Variants in HIBADH observed in about 807,000 individuals in gnomAD.
HIBADH encodes 3-hydroxyisobutyrate dehydrogenase.
A neutral mutation model predicts 36.1 loss-of-function variants in HIBADH; 25 were observed. The observed-to-expected ratio is 0.69, with a 90% confidence interval of 0.50 to 0.97. The LOEUF (loss-of-function observed/expected upper bound fraction) is 0.97. HIBADH is among the 50% of genes least tolerant of loss of function. HIBADH has a pLI of 0.00. For missense variants in HIBADH, 421 were observed against 418.0 expected (o/e 1.01, Z -0.06); for synonymous variants, 160 against 149.5 (o/e 1.07, Z -0.51).
intron 4 of HIBADH, among the ~76,000 whole-genome samples, chr7:27,593,796 G>C (rs879150132): frequency 6.6e-6 from 1 of 151,844 alleles, no homozygotes; most frequent in Admixed American, 6.6e-5. Context: ...AAAACTAGTA[G>C]AATAAGAGAA....
intron 4 of HIBADH, among the ~76,000 whole-genome samples, chr7:27,625,924 A>G (rs1034988098): frequency 6.6e-6 from 1 of 151,986 alleles, no homozygotes; most frequent in African/African-American, 2.4e-5. Flanking sequence ...CAACATGGTG[A>G]AACCCTGTCT....
chr7:27,648,126 C>A (rs1327103435), intron 2 of HIBADH, among the ~76,000 whole-genome samples: 1 of 152,190 alleles, frequency 6.6e-6, no homozygotes, highest in Non-Finnish European at 1.5e-5. Context: ...CTAATTGGTT[C>A]ATCTCAGACT....
chr7:27,649,328 G>C (rs773111582), intron 2 of HIBADH, 145 bp downstream of exon 2: 102 of 550,256 alleles, frequency 1.9e-4, no homozygotes, highest in Non-Finnish European at 2.1e-4. Context: ...CTGGATGTTG[G>C]ATGAATGATT....
In HIBADH at chr7:27,526,082, G is replaced by T; in HGVS notation, c.*132C>A. On this transcript the variant is annotated 3_prime_UTR_variant, in exon 8 of 8. Coordinates refer to ENST00000265395, the MANE Select transcript of HIBADH (RefSeq NM_152740.4). The stretch of plus-strand genomic sequence containing the variant: ...AGAATAAGCGGTGAAAAATCCTAGG[G>T]ATTACTGTGACCTAGACAATCAAAA... The T allele has an allele frequency of 1.5e-6, 1 of 656,272 alleles. No individual in the cohort carries two copies. Among genetic ancestry groups the T allele is most frequent in the Non-Finnish European group, 2.2e-6 (1 of 444,916 alleles). The allele number at this position is 656,272 out of a possible 1,614,324, so 40.7% of individuals were successfully genotyped here.
At chr7:27,650,460 T>TTATA (rs1194005934) in intron 1 of HIBADH, among the ~76,000 whole-genome samples, 1 of 140,184 alleles carries the variant, frequency 7.1e-6, no homozygotes, top group Non-Finnish European at 1.5e-5. Context: ...CTTATTATAT[T>TTATA]TTTATTTATT....
chr7:27,571,945 G>A (rs530871070), intron 4 of HIBADH, among the ~76,000 whole-genome samples: 3 of 152,272 alleles, frequency 2.0e-5, no homozygotes, highest in Admixed American at 1.3e-4. Flanking sequence ...AACCAGCATA[G>A]ACAGACAGAT....
intron 2 of HIBADH, among the ~76,000 whole-genome samples, chr7:27,635,904 A>G (rs1785833297): frequency 6.6e-6 from 1 of 152,244 alleles, no homozygotes. Flanking sequence ...TTTCTGTGTA[A>G]ACCACAATAT....
At chr7:27,595,243 G>T (rs1785011181) in intron 4 of HIBADH, among the ~76,000 whole-genome samples, 1 of 152,152 alleles carries the variant, frequency 6.6e-6, no homozygotes, top group Non-Finnish European at 1.5e-5. Flanking sequence ...CCAGCCAGGC[G>T]CAGTGGCTCA....
chr7:27,580,499 A>G (rs1784772335), intron 4 of HIBADH, among the ~76,000 whole-genome samples: 1 of 152,216 alleles, frequency 6.6e-6, no homozygotes, highest in Non-Finnish European at 1.5e-5. Context: ...AATCAGCAGA[A>G]AACTCTTTAA....
rs539165724 is a variant in HIBADH, at chr7:27,564,485, G to C, written c.485-21385C>G. 2.6e-5 allele frequency among the ~76,000 whole-genome samples: 4 copies of C among 152,198 alleles called. No homozygotes were observed. In the South Asian group the frequency reaches 8.3e-4, roughly 32 times the overall value. Reference sequence around the variant, plus strand: ...TTTGTCAAAAAACAAAAACATTCACGAGTCTTATTTTAAACTCTCTTCTGT... The same window carrying C: ...TTTGTCAAAAAACAAAAACATTCACCAGTCTTATTTTAAACTCTCTTCTGT... On this transcript the variant is annotated intron_variant, in intron 4 of 7. Coordinates refer to ENST00000265395, the MANE Select transcript of HIBADH (RefSeq NM_152740.4).
At chr7:27,558,480 A>T (rs1784424566) in intron 4 of HIBADH, among the ~76,000 whole-genome samples, 1 of 152,044 alleles carries the variant, frequency 6.6e-6, no homozygotes, top group African/African-American at 2.4e-5. Context: ...GACAGGCATG[A>T]CCACACCCAG....
rs528952381 is a variant in HIBADH at position 27,537,467 on chromosome 7, CTA to C, written c.695+872_695+873del. Reference sequence around the variant, plus strand: ...TTATCAAAAGCTATGGTATGAAACACTATTCTGTTTTGTGATATATTTGGTAA... The same window carrying C: ...TTATCAAAAGCTATGGTATGAAACACTTCTGTTTTGTGATATATTTGGTAA... On this transcript the variant is annotated intron_variant, in intron 6 of 7. Coordinates refer to ENST00000265395, the MANE Select transcript of HIBADH (RefSeq NM_152740.4). Among the ~76,000 whole-genome samples, 7 of 152,194 alleles carry C rather than the reference CTA, an allele frequency of 4.6e-5. No homozygotes were observed. In the South Asian group the frequency reaches 1.5e-3, roughly 32 times the overall value.
At chr7:27,559,136 T>C (rs1244744830) in intron 4 of HIBADH, among the ~76,000 whole-genome samples, 1 of 152,196 alleles carries the variant, frequency 6.6e-6, no homozygotes, top group Non-Finnish European at 1.5e-5. Context: ...CTTTTATGTG[T>C]GTGTCTAAAT....
At chr7:27,574,027 T>C (rs1346895523) in intron 4 of HIBADH, among the ~76,000 whole-genome samples, 2 of 152,160 alleles carry the variant, frequency 1.3e-5, no homozygotes, top group South Asian at 2.1e-4. Context: ...CCTAAAAGAT[T>C]AGAAAAACTG....
chr7:27,640,129 T>C (rs1328541374), intron 2 of HIBADH, among the ~76,000 whole-genome samples: 2 of 152,234 alleles, frequency 1.3e-5, no homozygotes, highest in Non-Finnish European at 2.9e-5. Context: ...ATTATTGTCA[T>C]ATTCCTGGAA....
intron 4 of HIBADH, among the ~76,000 whole-genome samples, chr7:27,579,884 T>C (rs1040793804): frequency 1.2e-4 from 18 of 152,218 alleles, no homozygotes; most frequent in Non-Finnish European, 2.1e-4. Context: ...TAGTAAGAAC[T>C]GCAGGATTCA....
intron 4 of HIBADH, among the ~76,000 whole-genome samples, chr7:27,612,638 A>G (rs1785341758): frequency 6.6e-6 from 1 of 151,600 alleles, no homozygotes; most frequent in Non-Finnish European, 1.5e-5. Context: ...TCTCTTTCTA[A>G]AAGTACCAGG....
At chr7:27,652,950 G>A (rs1321185529) in intron 1 of HIBADH, among the ~76,000 whole-genome samples, 1 of 152,104 alleles carries the variant, frequency 6.6e-6, no homozygotes, top group Non-Finnish European at 1.5e-5. Flanking sequence ...CCAACATGGT[G>A]AAACCCAGTC....
chr7:27,534,788 C>T (rs1031612079), intron 6 of HIBADH, among the ~76,000 whole-genome samples: 2 of 151,854 alleles, frequency 1.3e-5, no homozygotes, highest in Admixed American at 6.6e-5. Context: ...CAAACAATAA[C>T]CACCTCACCA....
Sources: gnomAD v4.1 joint callset for allele counts (sites outside exome capture counted in the v4.1 genomes callset) on GRCh38, gnomAD v4.1.1 for gene constraint, MANE v1.5 for transcripts, NCBI Gene and HGNC (gene_info 2026-07-23, HGNC 2026-07-21) for gene names.